Variants in BMP1 observed in about 807,000 individuals in gnomAD.
The protein encoded by BMP1 is mammalian tolloid protein.
A neutral mutation model predicts 116.8 loss-of-function variants in BMP1; 63 were observed. The observed-to-expected ratio is 0.54, with a 90% CI of 0.44 to 0.67. The LOEUF (loss-of-function observed/expected upper bound fraction) is 0.67. BMP1 is among the 30% of genes least tolerant of loss of function. The pLI is 0.00. For missense variants in BMP1, 1,183 were observed against 1,358.9 expected, an observed-to-expected ratio of 0.87 and a Z score of 2.04; for synonymous variants, 536 against 533.4, an observed-to-expected ratio of 1.00 and a Z score of -0.07.
At chr8:22,206,617 T>C (rs1829361552) in intron 16 of BMP1, among the ~76,000 whole-genome samples, 1 of 152,156 alleles carries the variant, frequency 6.6e-6, no homozygotes, top group African/African-American at 2.4e-5. Flanking sequence ...CGATGGCTGC[T>C]TCATGAGTGC....
At chr8:22,173,844 G>A (rs1828354007) in intron 2 of BMP1, 129 bp downstream of exon 2, 1 of 592,612 alleles carries the variant, frequency 1.7e-6, no homozygotes, top group Admixed American at 3.5e-5. Flanking sequence ...CAGCACATGG[G>A]TCTATCTTCC....
rs1262729930 is a variant in BMP1, at chr8:22,207,455, C to T, written c.2514C>T (p.Phe838=). 1.2e-6 allele frequency: 2 copies of T among 1,614,112 alleles called. No individual in the cohort carries two copies. Among genetic ancestry groups the T allele is most frequent in the Non-Finnish European group, 1.7e-6 (2 of 1,180,040 alleles). The change falls in exon 18 of 20, where the codon TTC becomes TTT. Residue 838 remains phenylalanine (F), a synonymous_variant. Coordinates refer to ENST00000306385, the MANE Select transcript of BMP1 (RefSeq NM_006129.5). ...EPVLATGSRM[F]LRFYSDNSVQ... is the part of the protein sequence containing the mutation. Reference sequence around the variant, plus strand: ...TCCTGGCCACAGGCAGCCGCATGTTCCTGCGCTTCTACTCAGATAACTCGG... The same window carrying T: ...TCCTGGCCACAGGCAGCCGCATGTTTCTGCGCTTCTACTCAGATAACTCGG...
At chr8:22,178,328 C>T (rs1026119648) in intron 6 of BMP1, among the ~76,000 whole-genome samples, 3 of 152,212 alleles carry the variant, frequency 2.0e-5, no homozygotes, top group African/African-American at 7.2e-5. Flanking sequence ...CTTGCTCTGT[C>T]ACCTAGGCTG....
chr8:22,191,906 C>T, intron 8 of BMP1, 143 bp from the exon 9 acceptor site: 1 of 638,576 alleles, frequency 1.6e-6, no homozygotes. Flanking sequence ...CGGTTCTGTG[C>T]CAGGAGCTCC....
chr8:22,182,723 G>A lies in BMP1; in HGVS notation c.1077+2240G>A, dbSNP rs191874027. On this transcript the variant is annotated intron_variant, in intron 8 of 19. Coordinates refer to ENST00000306385, the MANE Select transcript of BMP1 (RefSeq NM_006129.5). ...ACCATCTGTTTCACTGGGGATTGAC[G>A]TTTGGCCCAGTGGTTTGCAATTCCC... Among the ~76,000 whole-genome samples the A allele has an allele frequency of 5.0e-4, 76 of 152,272 alleles. No homozygotes were observed. In the East Asian group the frequency reaches 7.9e-3, roughly 16 times the overall value.
At position 22,196,648 on chromosome 8, in the gene BMP1, C is replaced by G; in HGVS notation, c.1766-32C>G. 1.9e-6 allele frequency: 3 copies of G among 1,613,024 alleles called. No individual in the cohort carries two copies. In the South Asian group the frequency reaches 3.3e-5, roughly 18 times the overall value. On this transcript the variant is annotated intron_variant, in intron 13 of 19. Transcript: ENST00000306385. The stretch of plus-strand genomic sequence containing the variant: ...GCCCTTCCCCATGGCAGGGGCTCCC[C>G]GCAGACGATGCCACCTTCCTTGTCC...
At chr8:22,199,262 AG>A in intron 15 of BMP1, 1 of 1,367,344 alleles carries the variant, frequency 7.3e-7, no homozygotes. Flanking sequence ...CTGGCCCCCC[AG>A]GAGGGGAGCT....
In BMP1 at chr8:22,194,811, G is replaced by A; in HGVS notation, c.1531G>A (p.Gly511Ser). ...ESSTLIGRYC[G>S]YEKPDDIKST... ...CAGCACCCTCATCGGGCGCTACTGT[G>A]GCTATGAGAAGCCTGATGACATCAA... The change falls in exon 12 of 20, where the codon GGC becomes AGC. Residue 511 changes from glycine (G) to serine (S), a missense_variant. Gly to Ser is a moderately conservative substitution (Grantham distance 56, BLOSUM62 0). Transcript: ENST00000306385. The surrounding 1 kb of genome is among the most constrained non-coding windows in gnomAD (Gnocchi z 4.5). The A allele has an allele frequency of 6.2e-7, 1 of 1,614,192 alleles. No homozygotes were observed. The highest frequency in any genetic ancestry group is 2.2e-5 in the East Asian group (1 of 44,880).
chr8:22,187,401 G>A (rs1265155588), intron 8 of BMP1, among the ~76,000 whole-genome samples: 5 of 151,134 alleles, frequency 3.3e-5, no homozygotes, highest in Admixed American at 6.6e-5. Flanking sequence ...GCATGATCTC[G>A]GCTCACTGCA....
intron 2 of BMP1, among the ~76,000 whole-genome samples, chr8:22,175,651 C>G (rs1034600549): frequency 1.3e-5 from 2 of 152,120 alleles, no homozygotes; most frequent in Admixed American, 1.3e-4. Context: ...TAACATTGAA[C>G]TCATGACCAA....
intron 16 of BMP1, among the ~76,000 whole-genome samples, chr8:22,206,519 A>G (rs943324157): frequency 6.6e-6 from 1 of 151,500 alleles, no homozygotes; most frequent in Non-Finnish European, 1.5e-5. Context: ...AAAAAAAGAA[A>G]GAAAGAAAAG....
intron 8 of BMP1, among the ~76,000 whole-genome samples, chr8:22,189,544 G>A (rs1828872784): frequency 6.6e-6 from 1 of 151,570 alleles, no homozygotes; most frequent in Non-Finnish European, 1.5e-5. Context: ...CCGGCTCACT[G>A]AAGCCTCAGC....
chr8:22,193,509 C>T (rs1828992455), intron 9 of BMP1, among the ~76,000 whole-genome samples: 1 of 152,216 alleles, frequency 6.6e-6, no homozygotes, highest in Non-Finnish European at 1.5e-5. Context: ...CTTGGCCAGG[C>T]ACGGTGGCTC....
chr8:22,191,107 TAGCG>T (rs1292997414), intron 8 of BMP1, among the ~76,000 whole-genome samples: 1 of 152,200 alleles, frequency 6.6e-6, no homozygotes, highest in Admixed American at 6.5e-5. Context: ...ATTCCTCCAG[TAGCG>T]AGCGAGCGTT....
At chr8:22,182,326 C>T (rs1828645328) in intron 8 of BMP1, among the ~76,000 whole-genome samples, 1 of 152,200 alleles carries the variant, frequency 6.6e-6, no homozygotes, top group East Asian at 1.9e-4. Context: ...TAGAACAGCA[C>T]ACAAACCAAA....
At position 22,209,622 on chromosome 8, in the gene BMP1, G is replaced by T; in HGVS notation, c.2753G>T (p.Gly918Val). 3 of 1,614,170 alleles carry T rather than the reference G, an allele frequency of 1.9e-6. No homozygotes were observed. The highest frequency in any genetic ancestry group is 2.5e-6 in the Non-Finnish European group (3 of 1,180,028). Reference protein sequence around the residue: ...TFEVEEETDCGYDYMELFDGY... With the variant: ...TFEVEEETDCVYDYMELFDGY... ...GAGGTGGAGGAGGAGACCGACTGCG[G>T]CTATGACTACATGGAGCTCTTCGAC... The change falls in exon 19 of 20, where the codon GGC becomes GTC. Residue 918 changes from glycine to valine, a missense_variant. Physicochemically the swap from Gly to Val is moderately radical, Grantham distance 109. Coordinates refer to ENST00000306385, the MANE Select transcript of BMP1 (RefSeq NM_006129.5).
Position 22,211,547 on chromosome 8 carries a change from C to G in BMP1, c.2827-47C>G, listed in dbSNP as rs186702556. On this transcript the variant is annotated intron_variant, in intron 19 of 19. Transcript: ENST00000306385. ...GGATCTTGGGGAGGCAGGACAGCAG[C>G]CCCAGCCCCTCTTCCTCCACCTTAC... 6.6e-4 allele frequency: 1,058 copies of G among 1,612,418 alleles called. 6 individuals carry two copies. The African/African-American group carries it at 0.011, about 17-fold the overall frequency.
intron 8 of BMP1, among the ~76,000 whole-genome samples, chr8:22,182,895 C>G (rs1217846769): frequency 6.6e-6 from 1 of 152,230 alleles, no homozygotes; most frequent in Non-Finnish European, 1.5e-5. Context: ...AGCTTGGAGA[C>G]AAAAACCAAT....
chr8:22,206,765 G>A (rs1586473933), intron 16 of BMP1, 89 bp from the exon 17 acceptor site: 3 of 1,348,328 alleles, frequency 2.2e-6, no homozygotes, highest in Non-Finnish European at 2.0e-6. Context: ...GAAGAAAGGA[G>A]GGGGGGCAGG....
Sources: gnomAD v4.1 joint callset for allele counts (sites outside exome capture counted in the v4.1 genomes callset) on GRCh38, gnomAD v4.1.1 for gene constraint, Gnocchi (gnomAD v3.1) non-coding constraint, MANE v1.5 for transcripts, NCBI Gene and HGNC (gene_info 2026-07-23, HGNC 2026-07-21) for gene names.